Variants in ZMIZ1 observed in about 807,000 individuals in gnomAD.
ZMIZ1 encodes zinc finger MIZ domain-containing protein 1.
A neutral mutation model predicts 113.9 loss-of-function variants in ZMIZ1; 17 were observed. The ratio of observed to expected loss-of-function variants is 0.15; its 90% CI spans 0.10 to 0.22. The LOEUF (loss-of-function observed/expected upper bound fraction) is 0.22. Ranked by LOEUF, ZMIZ1 falls within the 10% of genes least tolerant of loss-of-function variation. The pLI is 1.00. For missense variants in ZMIZ1, 1,059 were observed against 1,477.8 expected, an observed-to-expected ratio of 0.72 and a Z score of 4.65; for synonymous variants, 607 against 603.1, an observed-to-expected ratio of 1.01 and a Z score of -0.09.
At chr10:79,197,611 T>TACACACACACACACACACAC (rs71482719) in intron 4 of ZMIZ1, among the ~76,000 whole-genome samples, 8 of 89,970 alleles carry the variant, frequency 8.9e-5, no homozygotes, top group Admixed American at 2.2e-4. Flanking sequence ...CACACACACA[T>TACACACACACACACACACAC]ACACACACAC....
intron 3 of ZMIZ1, among the ~76,000 whole-genome samples, chr10:79,156,503 C>T (rs1412993783): frequency 6.6e-6 from 1 of 152,212 alleles, no homozygotes; most frequent in Non-Finnish European, 1.5e-5. Context: ...GCCTGTCCGC[C>T]CTTCCCTGGC....
At chr10:79,251,947 C>G (rs1850577471) in intron 7 of ZMIZ1, among the ~76,000 whole-genome samples, 2 of 152,114 alleles carry the variant, frequency 1.3e-5, no homozygotes, top group African/African-American at 4.8e-5. Context: ...TTAGTGGCTT[C>G]TAGGAGGCCA....
chr10:79,273,736 G>C (rs952509597), intron 7 of ZMIZ1, among the ~76,000 whole-genome samples: 7 of 152,266 alleles, frequency 4.6e-5, no homozygotes, highest in Non-Finnish European at 8.8e-5. Context: ...AAAGTTTGCA[G>C]GGTGGAGCTA....
At chr10:79,098,759 T>C (rs1032313884) in intron 1 of ZMIZ1, among the ~76,000 whole-genome samples, 1 of 152,228 alleles carries the variant, frequency 6.6e-6, no homozygotes, top group African/African-American at 2.4e-5. Context: ...AGCGTGGGCC[T>C]TGGGTGCCCA....
chr10:79,260,991 C>T lies in ZMIZ1; in HGVS notation c.281-16190C>T, dbSNP rs548196543. On this transcript the variant is annotated intron_variant, in intron 7 of 24. Coordinates refer to ENST00000334512, the MANE Select transcript of ZMIZ1 (RefSeq NM_020338.4). ...TTCTGCCTAGCCTGCAGCTGACCTT[C>T]CCGAGGACACGTCCCTGCATGACCT... is the stretch of plus-strand genomic sequence containing the variant. Among the ~76,000 whole-genome samples, 6 of 152,262 alleles carry T rather than the reference C, an allele frequency of 3.9e-5. No homozygotes were observed. In the South Asian group the frequency reaches 1.2e-3, roughly 32 times the overall value.
intron 9 of ZMIZ1, among the ~76,000 whole-genome samples, 178 bp downstream of exon 9, chr10:79,290,067 A>C (rs1352440443): frequency 2.0e-5 from 3 of 152,224 alleles, no homozygotes; most frequent in Non-Finnish European, 4.4e-5. Flanking sequence ...CACCCGCCTC[A>C]GGAGGGCAGC....
intron 8 of ZMIZ1, among the ~76,000 whole-genome samples, chr10:79,285,928 C>T (rs1446675491): frequency 6.6e-6 from 1 of 152,134 alleles, no homozygotes; most frequent in Non-Finnish European, 1.5e-5. Context: ...CACAGAGGCC[C>T]CTGTATTAGG....
rs896602055 is a variant in ZMIZ1, at chr10:79,315,649, CT to C, written c.*2903del. 1.3e-5 allele frequency: 2 copies of C among 152,804 alleles called. No homozygotes were observed. The highest frequency in any genetic ancestry group is 2.9e-5 in the Non-Finnish European group (2 of 68,058). 9.5% of individuals were successfully genotyped at this position (152,804 alleles called of 1,614,324 possible). A position where few individuals can be genotyped will look rare whatever the true frequency, so the allele number is the denominator to read the frequency against. ...TTTATTTTTTAAGAAACTGCTAATA[CT>C]TTCTCCCTAATGGAAGCCCTGATCC... On this transcript the variant is annotated 3_prime_UTR_variant, in exon 25 of 25. Coordinates refer to ENST00000334512, the MANE Select transcript of ZMIZ1 (RefSeq NM_020338.4).
intron 10 of ZMIZ1, 102 bp downstream of exon 10, chr10:79,291,278 T>G (rs1853478390): frequency 1.5e-6 from 2 of 1,341,498 alleles, no homozygotes; most frequent in Non-Finnish European, 2.0e-6. Flanking sequence ...CTTTCTGCCC[T>G]GAGAAGTTAT....
At chr10:79,212,507 G>T (rs565660902) in intron 6 of ZMIZ1, among the ~76,000 whole-genome samples, 1 of 152,212 alleles carries the variant, frequency 6.6e-6, no homozygotes, top group Non-Finnish European at 1.5e-5. Flanking sequence ...TGGGCATGGT[G>T]GCTCATGCCT....
At chr10:79,310,830 TTCCCTGG>T in intron 23 of ZMIZ1, 87 bp from the exon 24 acceptor site, 1 of 1,417,898 alleles carries the variant, frequency 7.1e-7, no homozygotes, top group Non-Finnish European at 9.5e-7. Context: ...GGGTTGTGAC[TTCCCTGG>T]TTGTGTTGGG....
At chr10:79,272,283 CAA>C (rs370771084) in intron 7 of ZMIZ1, among the ~76,000 whole-genome samples, 1 of 139,702 alleles carries the variant, frequency 7.2e-6, no homozygotes, top group South Asian at 2.2e-4. Flanking sequence ...AAGACTGTCT[CAA>C]AAAAAAAAGA....
rs751609474 is a variant in ZMIZ1, at chr10:79,300,949, G to A, written c.2019+7G>A. ...CGTCACGGCCTGCTGCTGCGTGAGT[G>A]TGGTGGGCCAGGGGCAGCGTTGGCA... On this transcript the variant is annotated splice_region_variant and intron_variant, in intron 17 of 24. Transcript: ENST00000334512. The A allele has an allele frequency of 6.2e-7, 1 of 1,607,632 alleles. No individual in the cohort carries two copies. The highest frequency in any genetic ancestry group is 8.5e-7 in the Non-Finnish European group (1 of 1,179,816).
chr10:79,077,785 C>T (rs367818183), intron 1 of ZMIZ1, among the ~76,000 whole-genome samples: 9 of 152,248 alleles, frequency 5.9e-5, no homozygotes, highest in East Asian at 1.9e-4. Flanking sequence ...AACTAACATA[C>T]TACCTCCTCC....
chr10:79,255,388 G>A (rs1044733576), intron 7 of ZMIZ1, among the ~76,000 whole-genome samples: 4 of 152,256 alleles, frequency 2.6e-5, no homozygotes, highest in African/African-American at 7.2e-5. Flanking sequence ...GGGAATGGAT[G>A]TGAGCAAGTC....
intron 4 of ZMIZ1, among the ~76,000 whole-genome samples, chr10:79,175,906 T>A (rs780520752): frequency 6.6e-6 from 1 of 152,004 alleles, no homozygotes; most frequent in African/African-American, 2.4e-5. Context: ...TGGCTCCTGT[T>A]TGAAAGCAGG....
At chr10:79,152,030 G>A (rs565871822) in intron 3 of ZMIZ1, among the ~76,000 whole-genome samples, 1 of 152,332 alleles carries the variant, frequency 6.6e-6, no homozygotes, top group Admixed American at 6.5e-5. Flanking sequence ...AGTTCAAAAC[G>A]TAGGATGGAG....
chr10:79,101,458 G>A (rs568385841), intron 1 of ZMIZ1, among the ~76,000 whole-genome samples: 1 of 152,192 alleles, frequency 6.6e-6, no homozygotes. Context: ...CTGTCTAGGG[G>A]CAGCAAGTCA....
intron 7 of ZMIZ1, among the ~76,000 whole-genome samples, chr10:79,236,459 A>G (rs779910849): frequency 3.6e-4 from 55 of 152,212 alleles, no homozygotes; most frequent in Non-Finnish European, 6.9e-4. Context: ...TCCTGGGAGA[A>G]GCAATGAAAC....
Sources: allele counts gnomAD v4.1 joint callset (sites outside exome capture counted in the v4.1 genomes callset), GRCh38; gene constraint gnomAD v4.1.1; transcripts MANE v1.5; gene names NCBI Gene and HGNC (gene_info 2026-07-23, HGNC 2026-07-21).